Variants in TLX1 observed in about 807,000 individuals in gnomAD.
TLX1 encodes T-cell leukemia homeobox protein 1.
TLX1 carries 6 observed loss-of-function variants against 26.5 expected under a neutral mutation model. The ratio of observed to expected loss-of-function variants is 0.23; its 90% CI spans 0.12 to 0.45. The LOEUF (loss-of-function observed/expected upper bound fraction) is 0.45. Ranked by LOEUF, TLX1 falls within the 20% of genes least tolerant of loss-of-function variation. The pLI is 0.99. For synonymous variants in TLX1, 217 were observed against 219.7 expected (o/e 0.99, Z 0.11); for missense variants, 418 against 482.6 (o/e 0.87, Z 1.25).
At chr10:101,136,368 A>T (rs943990183) in intron 2 of TLX1, among the ~76,000 whole-genome samples, 2 of 152,152 alleles carry the variant, frequency 1.3e-5, no homozygotes, top group Admixed American at 1.3e-4. Flanking sequence ...GCGAGATGCC[A>T]TCCTACCCCG....
At chr10:101,136,426 G>A (rs994821672) in intron 2 of TLX1, among the ~76,000 whole-genome samples, 3 of 152,220 alleles carry the variant, frequency 2.0e-5, no homozygotes, top group Non-Finnish European at 4.4e-5. Context: ...GCGTGGATGC[G>A]AGTCCCAGCT....
intron 2 of TLX1, among the ~76,000 whole-genome samples, chr10:101,134,969 G>C (rs1349820233): frequency 2.0e-5 from 3 of 152,256 alleles, no homozygotes; most frequent in Non-Finnish European, 4.4e-5. Flanking sequence ...CACTGGAAGG[G>C]GAATCAATTA....
Position 101,131,520 on chromosome 10 carries a change from C to A in TLX1, c.-22C>A. ...CGCAGCGAGCGCCGCCGCCCGGGCC[C>A]CCCGGTGGGGCCAGGGCCAGCATGG... On this transcript the variant is annotated 5_prime_UTR_variant, in exon 1 of 3. Transcript: ENST00000370196. The A allele has an allele frequency of 7.0e-7, 1 of 1,425,180 alleles. No homozygotes were observed. Among genetic ancestry groups the A allele is most frequent in the Non-Finnish European group, 9.2e-7 (1 of 1,091,946 alleles). 88.3% of individuals were successfully genotyped at this position (1,425,180 alleles called of 1,614,324 possible).
intron 2 of TLX1, 96 bp downstream of exon 2, chr10:101,134,472 C>T: frequency 7.5e-7 from 1 of 1,327,076 alleles, no homozygotes; most frequent in Non-Finnish European, 1.0e-6. Context: ...ACTTTTTCCG[C>T]TCGCGGTTTC....
Position 101,131,472 on chromosome 10 carries a change from T to C in TLX1, c.-70T>C, listed in dbSNP as rs568390501. The C allele has an allele frequency of 1.2e-5, 15 of 1,294,138 alleles. No individual in the cohort carries two copies. In the South Asian group the frequency reaches 2.8e-4, roughly 24 times the overall value. 80.2% of individuals were successfully genotyped at this position (1,294,138 alleles called of 1,614,324 possible). The stretch of plus-strand genomic sequence containing the variant: ...GGAGCCGCTGTTGCCTCCCAGCCCC[T>C]GCTAGCTGCCCCCCGAGCCGAGCGC... On this transcript the variant is annotated 5_prime_UTR_variant, in exon 1 of 3. Transcript: ENST00000370196.
intron 2 of TLX1, among the ~76,000 whole-genome samples, chr10:101,135,669 C>A (rs1590130008): frequency 6.6e-6 from 1 of 151,932 alleles, no homozygotes; most frequent in African/African-American, 2.4e-5. Flanking sequence ...GATAGGGACC[C>A]CGCTCAAGGA....
chr10:101,134,140 G>C, intron 1 of TLX1, 35 bp from the exon 2 acceptor site: 1 of 1,550,744 alleles, frequency 6.4e-7, no homozygotes. Flanking sequence ...CCGCTCCAGT[G>C]GCCCTCTCAC....
chr10:101,136,841 G>A lies in TLX1; in HGVS notation c.921G>A (p.Gln307=), dbSNP rs1316977155. 25 of 1,613,662 alleles carry A rather than the reference G, an allele frequency of 1.5e-5. No individual in the cohort carries two copies. The highest frequency in any genetic ancestry group is 1.6e-4 in the Middle Eastern group (1 of 6,084). ...ACAACTCGTCGCTCTTCGCCCTGCA[G>A]AATCTGCAGCCGTGGTCTGACGACT... The part of the protein sequence containing the change: ...CVHNSSLFAL[Q]NLQPWSDDST... Residue 307 remains glutamine, a synonymous_variant, in exon 3 of 3, where the codon CAG becomes CAA. Transcript: ENST00000370196.
rs780889451 is a variant in TLX1 at position 101,134,334 on chromosome 10, C to A, written c.728C>A (p.Ala243Glu). 1 of 1,609,728 alleles carries A rather than the reference C, an allele frequency of 6.2e-7. No homozygotes were observed. The highest frequency in any genetic ancestry group is 1.1e-5 in the South Asian group (1 of 90,684). Residue 243 changes from alanine to glutamate, a missense_variant, in exon 2 of 3, where the codon GCG becomes GAG. Coordinates refer to ENST00000370196, the MANE Select transcript of TLX1 (RefSeq NM_005521.4). ...ALAKALKMTD[A>E]QVKTWFQNRR... The stretch of plus-strand genomic sequence containing the variant: ...GCCAAGGCGCTCAAAATGACCGATG[C>A]GCAGGTCAAAACCTGGTTCCAGAAC...
intron 2 of TLX1, among the ~76,000 whole-genome samples, chr10:101,135,851 A>G (rs1382928156): frequency 6.6e-6 from 1 of 152,224 alleles, no homozygotes; most frequent in Non-Finnish European, 1.5e-5. Flanking sequence ...AGCCTAAAAG[A>G]GAAATATTCA....
Position 101,131,952 on chromosome 10 carries a change from C to A in TLX1, c.411C>A (p.His137Gln). The change falls in exon 1 of 3, where the codon CAC (histidine) becomes CAA (glutamine). Residue 137 changes from histidine to glutamine, a missense_variant. Around this residue, in one of 3 missense-constraint regions of TLX1, gnomAD observed 322 missense variants for 344.6 expected, o/e 0.93. Coordinates refer to ENST00000370196, the MANE Select transcript of TLX1 (RefSeq NM_005521.4). Reference sequence around the variant, plus strand: ...CGGGGGTAATCCGGGTGCCGGCACACAGGCCGCTCGCCGGAGCCGTGGCCC... The same window carrying A: ...CGGGGGTAATCCGGGTGCCGGCACAAAGGCCGCTCGCCGGAGCCGTGGCCC... ...SAAGVIRVPAHRPLAGAVAHP... is the reference protein window; with the variant it reads ...SAAGVIRVPAQRPLAGAVAHP... 6.8e-7 allele frequency: 1 copy of A among 1,475,410 alleles called. No homozygotes were observed. The highest frequency in any genetic ancestry group is 1.5e-5 in the African/African-American group (1 of 68,780). The allele number at this position is 1,475,410 out of a possible 1,614,324, so 91.4% of individuals were successfully genotyped here.
chr10:101,136,782 G>A lies in TLX1; in HGVS notation c.862G>A (p.Ala288Thr). 6.2e-7 allele frequency: 1 copy of A among 1,613,428 alleles called. No homozygotes were observed. Among genetic ancestry groups the A allele is most frequent in the Non-Finnish European group, 8.5e-7 (1 of 1,180,014 alleles). Residue 288 changes from alanine (A) to threonine (T), a missense_variant, in exon 3 of 3, where the codon GCA becomes ACA. By Grantham distance (58) the Ala-to-Thr change is moderately conservative (BLOSUM62 0). This residue lies in a region of TLX1 where 78 missense variants were observed against 92.2 expected (regional missense o/e 0.85). Coordinates refer to ENST00000370196, the MANE Select transcript of TLX1 (RefSeq NM_005521.4). The stretch of plus-strand genomic sequence containing the variant: ...GCAGGAGGCCTTCCAGAAGAGCCTG[G>A]CACAGCCGCTGCCCGCTGACCCTCT... ...LQQEAFQKSL[A>T]QPLPADPLCV... is the part of the protein sequence containing the mutation.
Position 101,131,970 on chromosome 10 carries a change from C to T in TLX1, c.429C>T (p.Ala143=), listed in dbSNP as rs1290667837. 11 of 1,506,342 alleles carry T rather than the reference C, an allele frequency of 7.3e-6. No homozygotes were observed. The highest frequency in any genetic ancestry group is 9.7e-6 in the Non-Finnish European group (11 of 1,134,242). 93.3% of individuals were successfully genotyped at this position (1,506,342 alleles called of 1,614,324 possible). A position where few individuals can be genotyped will look rare whatever the true frequency, so the allele number is the denominator to read the frequency against. ...CGGCACACAGGCCGCTCGCCGGAGC[C>T]GTGGCCCACCCCCAGCCCCTGGCCA... ...RVPAHRPLAG[A]VAHPQPLATG... is the part of the protein sequence containing the mutation. The change falls in exon 1 of 3, where the codon GCC becomes GCT. Residue 143 remains alanine (A), a synonymous_variant. Coordinates refer to ENST00000370196, the MANE Select transcript of TLX1 (RefSeq NM_005521.4).
rs372719781 is a variant in TLX1 at position 101,136,823 on chromosome 10, G to C, written c.903G>C (p.Ser301=). The change falls in exon 3 of 3, where the codon TCG becomes TCC. Residue 301 remains serine, a synonymous_variant. Coordinates refer to ENST00000370196, the MANE Select transcript of TLX1 (RefSeq NM_005521.4). Reference sequence around the variant, plus strand: ...CTGACCCTCTGTGCGTGCACAACTCGTCGCTCTTCGCCCTGCAGAATCTGC... The same window carrying C: ...CTGACCCTCTGTGCGTGCACAACTCCTCGCTCTTCGCCCTGCAGAATCTGC... The part of the protein sequence containing the change: ...LPADPLCVHN[S]SLFALQNLQP... 2.0e-5 allele frequency: 33 copies of C among 1,613,572 alleles called. No homozygotes were observed. The highest frequency in any genetic ancestry group is 1.8e-4 in the East Asian group (8 of 44,894).
At chr10:101,136,340 A>G (rs1686205089) in intron 2 of TLX1, among the ~76,000 whole-genome samples, 1 of 152,164 alleles carries the variant, frequency 6.6e-6, no homozygotes, top group African/African-American at 2.4e-5. Context: ...GGTCTCCCTC[A>G]GGGCCGGGGA....
chr10:101,131,862 G>A lies in TLX1; in HGVS notation c.321G>A (p.Leu107=), dbSNP rs1172236763. 1.6e-5 allele frequency: 22 copies of A among 1,407,488 alleles called. No individual in the cohort carries two copies. The highest frequency in any genetic ancestry group is 1.9e-5 in the Non-Finnish European group (21 of 1,087,880). 87.2% of individuals were successfully genotyped at this position (1,407,488 alleles called of 1,614,324 possible). The change falls in exon 1 of 3, where the codon TTG becomes TTA. Residue 107 remains leucine, a synonymous_variant. Coordinates refer to ENST00000370196, the MANE Select transcript of TLX1 (RefSeq NM_005521.4). ...LTGSYNVNMA[L]AGGPGPGGGG... ...GCTCCTACAACGTGAACATGGCCTT[G>A]GCAGGCGGCCCCGGTCCTGGCGGCG... is the stretch of plus-strand genomic sequence containing the variant.
chr10:101,131,308 A>G lies in TLX1; in HGVS notation c.-234A>G. 4.9e-6 allele frequency: 2 copies of G among 412,318 alleles called. No individual in the cohort carries two copies. Among genetic ancestry groups the G allele is most frequent in the Non-Finnish European group, 8.5e-6 (2 of 236,680 alleles). 25.5% of individuals were successfully genotyped at this position (412,318 alleles called of 1,614,324 possible). On this transcript the variant is annotated 5_prime_UTR_variant, in exon 1 of 3. Transcript: ENST00000370196. ...TTTTTCGCCTGGTGATTGATGTCCC[A>G]GAGTCAACAGCGAGCGAGCAGCCGG...
In TLX1 at chr10:101,137,668, AC is replaced by A. The variant is rs1180800725; in HGVS notation, c.*758del. 1 of 232,996 alleles carries A rather than the reference AC, an allele frequency of 4.3e-6. No homozygotes were observed. Among genetic ancestry groups the A allele is most frequent in the Non-Finnish European group, 8.5e-6 (1 of 117,760 alleles). 14.4% of individuals were successfully genotyped at this position (232,996 alleles called of 1,614,324 possible). A position where few individuals can be genotyped will look rare whatever the true frequency, so the allele number is the denominator to read the frequency against. On this transcript the variant is annotated 3_prime_UTR_variant, in exon 3 of 3. Transcript: ENST00000370196. ...CATAAATGCAGCCCATTTCTCCAGAACCCATTTGAGGGGTGGGGGGGTGTTA... is the reference window on the plus strand; with the variant it reads ...CATAAATGCAGCCCATTTCTCCAGAACCATTTGAGGGGTGGGGGGGTGTTA...
chr10:101,131,719 G>A lies in TLX1; in HGVS notation c.178G>A (p.Gly60Arg). 6.8e-7 allele frequency: 1 copy of A among 1,464,482 alleles called. No homozygotes were observed. The highest frequency in any genetic ancestry group is 9.0e-7 in the Non-Finnish European group (1 of 1,114,230). 90.7% of individuals were successfully genotyped at this position (1,464,482 alleles called of 1,614,324 possible). ...CGGAGGCGCCTACACTTACGGCGGC[G>A]GGGGCTCCGCGGCCGCGACGGGGGC... The part of the protein sequence containing the change: ...LVGGAYTYGG[G>R]GSAAATGAGG... The change falls in exon 1 of 3, where the codon GGG becomes AGG. Residue 60 changes from glycine to arginine, a missense_variant. Coordinates refer to ENST00000370196, the MANE Select transcript of TLX1 (RefSeq NM_005521.4).
Sources: gnomAD v4.1 joint callset for allele counts (sites outside exome capture counted in the v4.1 genomes callset) on GRCh38, gnomAD v4.1.1 for gene constraint, gnomAD v4.1.1 regional missense constraint, MANE v1.5 for transcripts, NCBI Gene and HGNC (gene_info 2026-07-23, HGNC 2026-07-21) for gene names.